Variants in KCNMA1 observed in about 807,000 individuals in gnomAD.
KCNMA1 encodes potassium calcium-activated channel subfamily M alpha 1.
KCNMA1 carries 29 observed loss-of-function variants against 140.0 expected under a neutral mutation model. That is an observed-to-expected ratio of 0.21 (90% CI 0.15 to 0.28). The LOEUF (loss-of-function observed/expected upper bound fraction) is 0.28. Ranked by LOEUF, KCNMA1 falls within the 10% of genes least tolerant of loss-of-function variation. KCNMA1 has a pLI of 1.00. For missense variants in KCNMA1, 880 were observed against 1,602.2 expected, an observed-to-expected ratio of 0.55 and a Z score of 7.70; for synonymous variants, 612 against 611.9, an observed-to-expected ratio of 1.00 and a Z score of 0.00.
chr10:77,392,981 C>T (rs892216365), intron 2 of KCNMA1, among the ~76,000 whole-genome samples: 8 of 152,226 alleles, frequency 5.3e-5, no homozygotes, highest in African/African-American at 1.4e-4. Flanking sequence ...GCGCCCACAA[C>T]GTACAGCTCC....
At chr10:77,504,333 G>C (rs777556025) in intron 1 of KCNMA1, among the ~76,000 whole-genome samples, 5 of 152,246 alleles carry the variant, frequency 3.3e-5, no homozygotes, top group Middle Eastern at 3.4e-3. Context: ...CTGTTTCACT[G>C]CTCTTCAAGT....
chr10:77,467,485 T>G (rs2098052782), intron 1 of KCNMA1, among the ~76,000 whole-genome samples: 1 of 152,114 alleles, frequency 6.6e-6, no homozygotes, highest in African/African-American at 2.4e-5. Flanking sequence ...GACATGGCAA[T>G]TTAGTTGGAC....
rs373587503 is a variant in KCNMA1, at chr10:77,633,314, C to CA, written c.378+3950dup. Among the ~76,000 whole-genome samples the CA allele has an allele frequency of 8.5e-3, 1,225 of 144,482 alleles. 11 individuals are homozygous for CA. The highest frequency in any genetic ancestry group is 0.012 in the Non-Finnish European group (803 of 65,688). 94.8% of individuals were successfully genotyped at this position (144,482 alleles called of 152,430 possible). On this transcript the variant is annotated intron_variant, in intron 1 of 27. Coordinates refer to ENST00000286628, the MANE Select transcript of KCNMA1 (RefSeq NM_001161352.2). ...TGGGTGACAGAGCGAGACTCCATCT[C>CA]AAAAAAAAAAATTAATAAAAGGAGA... is the stretch of plus-strand genomic sequence containing the variant.
chr10:77,478,564 A>G (rs182852969), intron 1 of KCNMA1, among the ~76,000 whole-genome samples: 5 of 152,340 alleles, frequency 3.3e-5, no homozygotes, highest in Non-Finnish European at 7.4e-5. Flanking sequence ...ATTCAGGCCC[A>G]GAACAATTAA....
chr10:77,189,011 GCTACTTCT>G (rs1197534061), intron 3 of KCNMA1, among the ~76,000 whole-genome samples: 1 of 152,116 alleles, frequency 6.6e-6, no homozygotes, highest in African/African-American at 2.4e-5. Flanking sequence ...ACCCTGTGAA[GCTACTTCT>G]CCAGGGTAGT....
intron 1 of KCNMA1, among the ~76,000 whole-genome samples, chr10:77,623,896 T>C (rs947696980): frequency 6.6e-6 from 1 of 152,186 alleles, no homozygotes; most frequent in Non-Finnish European, 1.5e-5. Context: ...AATGTATCTG[T>C]GACAAGTTAA....
At chr10:76,995,639 T>C (rs1205433970) in intron 19 of KCNMA1, 3 of 470,946 alleles carry the variant, frequency 6.4e-6, no homozygotes, top group East Asian at 1.4e-4. Context: ...CCCTCCACCA[T>C]GGAGGTAAGA....
chr10:77,211,378 G>T (rs1239949536), intron 3 of KCNMA1, among the ~76,000 whole-genome samples: 2 of 152,156 alleles, frequency 1.3e-5, no homozygotes, highest in Non-Finnish European at 2.9e-5. Context: ...TAAATAAATG[G>T]TGTGGGTATA....
intron 23 of KCNMA1, among the ~76,000 whole-genome samples, chr10:76,937,373 T>C (rs547826446): frequency 6.6e-6 from 1 of 152,334 alleles, no homozygotes; most frequent in South Asian, 2.1e-4. Flanking sequence ...TTTGTCAAAT[T>C]TCTGCTTCAA....
At chr10:77,625,998 T>C (rs1424999723) in intron 1 of KCNMA1, among the ~76,000 whole-genome samples, 1 of 150,048 alleles carries the variant, frequency 6.7e-6, no homozygotes, top group African/African-American at 2.5e-5. Flanking sequence ...TTTCTCCACA[T>C]CCTCACCAAC....
chr10:76,889,643 G>T, intron 26 of KCNMA1, 74 bp from the exon 27 acceptor site: 1 of 1,141,060 alleles, frequency 8.8e-7, no homozygotes, highest in Non-Finnish European at 1.3e-6. Context: ...CAGGGAAACG[G>T]GTCTTTTCAT....
At chr10:77,345,131 A>G (rs2091891757) in intron 2 of KCNMA1, among the ~76,000 whole-genome samples, 2 of 152,236 alleles carry the variant, frequency 1.3e-5, no homozygotes, top group East Asian at 1.9e-4. Context: ...TAAATATTTA[A>G]GAAATATTTG....
At chr10:77,579,988 C>T (rs2075380645) in intron 1 of KCNMA1, among the ~76,000 whole-genome samples, 1 of 152,190 alleles carries the variant, frequency 6.6e-6, no homozygotes, top group African/African-American at 2.4e-5. Context: ...CTTTCCCTCC[C>T]CACACATATC....
At chr10:77,631,100 C>T (rs1356916976) in intron 1 of KCNMA1, among the ~76,000 whole-genome samples, 3 of 89,104 alleles carry the variant, frequency 3.4e-5, no homozygotes, top group African/African-American at 1.6e-4. Flanking sequence ...GAGTGAGACC[C>T]TGTCCCAAAA....
At chr10:77,423,243 G>C (rs2096905587) in intron 1 of KCNMA1, among the ~76,000 whole-genome samples, 1 of 152,226 alleles carries the variant, frequency 6.6e-6, no homozygotes, top group Admixed American at 6.5e-5. Context: ...AATAAGATAA[G>C]GAGACTTGGC....
At chr10:77,474,058 T>A (rs2098225577) in intron 1 of KCNMA1, among the ~76,000 whole-genome samples, 1 of 152,112 alleles carries the variant, frequency 6.6e-6, no homozygotes, top group African/African-American at 2.4e-5. Flanking sequence ...CTCTCTAATG[T>A]CCCTGAGACA....
chr10:77,017,891 G>A (rs1376723673), intron 17 of KCNMA1, among the ~76,000 whole-genome samples: 2 of 152,114 alleles, frequency 1.3e-5, no homozygotes, highest in Non-Finnish European at 1.5e-5. Flanking sequence ...AGTTTAACAA[G>A]TTTTAGATAC....
chr10:76,938,476 T>G (rs2061142032), intron 23 of KCNMA1, among the ~76,000 whole-genome samples: 1 of 152,138 alleles, frequency 6.6e-6, no homozygotes, highest in Non-Finnish European at 1.5e-5. Context: ...ATAGCCACAG[T>G]TCCTAACCAG....
chr10:77,388,193 GTC>G (rs2095685548), intron 2 of KCNMA1, among the ~76,000 whole-genome samples: 1 of 152,146 alleles, frequency 6.6e-6, no homozygotes, highest in African/African-American at 2.4e-5. Context: ...TTCTTTCCAA[GTC>G]TTAGCAGCCA....
Sources: allele counts gnomAD v4.1 joint callset (sites outside exome capture counted in the v4.1 genomes callset), GRCh38; gene constraint gnomAD v4.1.1; transcripts MANE v1.5; gene names NCBI Gene and HGNC (gene_info 2026-07-23, HGNC 2026-07-21).